FAT3: variants seen among roughly 807,000 people sequenced by gnomAD.
FAT3 encodes the protein FAT atypical cadherin 3, also known as protocadherin Fat 3.
A neutral mutation model predicts 310.2 loss-of-function variants in FAT3; 95 were observed. That is an observed-to-expected ratio of 0.31 (90% CI 0.26 to 0.36). FAT3 has a LOEUF of 0.36. Among genes scored for constraint, FAT3 ranks in the 10% least tolerant of loss-of-function variants. FAT3 has a pLI of 1.00. For synonymous variants in FAT3, 2,314 were observed against 2,192.9 expected (o/e 1.06, Z -1.54); for missense variants, 5,408 against 5,715.6 (o/e 0.95, Z 1.74).
At chr11:92,277,525 A>G (rs1339251897) in intron 1 of FAT3, among the ~76,000 whole-genome samples, 1 of 152,208 alleles carries the variant, frequency 6.6e-6, no homozygotes, top group Non-Finnish European at 1.5e-5. Flanking sequence ...CTACACAGTT[A>G]TAAAAAAGAA....
At chr11:92,372,268 T>TG (rs1949207882) in intron 2 of FAT3, among the ~76,000 whole-genome samples, 1 of 152,012 alleles carries the variant, frequency 6.6e-6, no homozygotes, top group African/African-American at 2.4e-5. Context: ...AGTACTGGAT[T>TG]GGGGGGCTTC....
intron 1 of FAT3, among the ~76,000 whole-genome samples, chr11:92,317,047 A>G (rs1947483816): frequency 6.6e-6 from 1 of 152,182 alleles, no homozygotes. Flanking sequence ...ACTCATTGCA[A>G]TATGGCCAAA....
intron 3 of FAT3, among the ~76,000 whole-genome samples, chr11:92,681,261 A>T (rs967834542): frequency 3.3e-5 from 5 of 152,216 alleles, no homozygotes; most frequent in African/African-American, 1.2e-4. Flanking sequence ...ATAGGGATGG[A>T]TGAAAGTAAC....
At chr11:92,489,700 A>G (rs1330035130) in intron 2 of FAT3, among the ~76,000 whole-genome samples, 1 of 152,096 alleles carries the variant, frequency 6.6e-6, no homozygotes, top group Admixed American at 6.6e-5. Flanking sequence ...ATTGCTCTAT[A>G]TCAAACTATA....
intron 22 of FAT3, 42 bp downstream of exon 22, chr11:92,867,251 G>C (rs2136353712): frequency 2.0e-6 from 3 of 1,495,810 alleles, no homozygotes; most frequent in Non-Finnish European, 2.7e-6. Flanking sequence ...GGGGGTTTGA[G>C]GGGAGAGTGA....
intron 2 of FAT3, among the ~76,000 whole-genome samples, chr11:92,385,858 TA>T (rs889943183): frequency 6.6e-6 from 1 of 151,730 alleles, no homozygotes; most frequent in African/African-American, 2.4e-5. Flanking sequence ...CAAAAGAAAA[TA>T]AAATTGGTCA....
At chr11:92,806,298 C>A in intron 11 of FAT3, 64 bp from the exon 12 acceptor site, 2 of 1,385,324 alleles carry the variant, frequency 1.4e-6, no homozygotes, top group East Asian at 5.0e-5. Context: ...CTATATAATG[C>A]TAAATATGGC....
chr11:92,294,117 G>A (rs182777017), intron 1 of FAT3, among the ~76,000 whole-genome samples: 1 of 152,106 alleles, frequency 6.6e-6, no homozygotes, highest in East Asian at 1.9e-4. Flanking sequence ...GGCCTATTTG[G>A]TTTCTGATGA....
chr11:92,767,863 C>T (rs999571737), intron 6 of FAT3, among the ~76,000 whole-genome samples: 24 of 152,126 alleles, frequency 1.6e-4, no homozygotes, highest in Non-Finnish European at 2.9e-4. Flanking sequence ...GATGGAGATA[C>T]CCCAGGCAGC....
intron 2 of FAT3, among the ~76,000 whole-genome samples, chr11:92,464,085 C>A (rs1444434092): frequency 6.6e-6 from 1 of 152,122 alleles, no homozygotes; most frequent in African/African-American, 2.4e-5. Flanking sequence ...CAATAGACAC[C>A]TTGAGGTTTG....
Position 92,761,845 on chromosome 11 carries a change from C to G in FAT3, c.3670-11C>G, listed in dbSNP as rs201897584. On this transcript the variant is annotated splice_polypyrimidine_tract_variant and intron_variant, in intron 4 of 27. Coordinates refer to ENST00000525166, the MANE Select transcript of FAT3 (RefSeq NM_001367949.2). ...TTCTCCTTTCTGATCACATCATACT[C>G]TCTTTTTCAGGTGACTGTGACAGAT... 1.1e-3 allele frequency: 1,812 copies of G among 1,610,806 alleles called. 1 individual carries two copies. Among genetic ancestry groups the G allele is most frequent in the Non-Finnish European group, 1.5e-3 (1,714 of 1,178,172 alleles).
At chr11:92,637,136 G>T (rs913594749) in intron 3 of FAT3, among the ~76,000 whole-genome samples, 4 of 152,166 alleles carry the variant, frequency 2.6e-5, no homozygotes, top group Non-Finnish European at 4.4e-5. Flanking sequence ...GAAATACAAA[G>T]ATACACAAAA....
chr11:92,453,422 A>G (rs1333081226), intron 2 of FAT3, among the ~76,000 whole-genome samples: 1 of 152,010 alleles, frequency 6.6e-6, no homozygotes, highest in East Asian at 1.9e-4. Context: ...TTTGGCCCCA[A>G]ATAGAAGATT....
In FAT3 at chr11:92,350,647, ATTGT is replaced by A. The variant is rs1432399656; in HGVS notation, c.-17-1445_-17-1442del. Among the ~76,000 whole-genome samples, 5 of 152,138 alleles carry A rather than the reference ATTGT, an allele frequency of 3.3e-5. No individual in the cohort carries two copies. In the South Asian group the frequency reaches 6.2e-4, roughly 19 times the overall value. ...CTTTACTACTTGCCGGCTGGGGAAC[ATTGT>A]TTGGGCAAATGTCTCAACTAAATAG... On this transcript the variant is annotated intron_variant, in intron 1 of 27. Transcript: ENST00000525166.
chr11:92,873,331 A>G (rs1403440911), intron 22 of FAT3, among the ~76,000 whole-genome samples: 5 of 152,164 alleles, frequency 3.3e-5, no homozygotes. Flanking sequence ...AAGTTCTTGG[A>G]GTTTGTAAAT....
rs939753916 is a variant in FAT3, at chr11:92,800,511, A to G, written c.7498A>G (p.Thr2500Ala). Residue 2500 changes from threonine to alanine, a missense_variant, in exon 10 of 28, where the codon ACA (threonine) becomes GCA (alanine). Physicochemically the swap from Thr to Ala is moderately conservative, Grantham distance 58. Around this residue, in one of 5 missense-constraint regions of FAT3, gnomAD observed 4,588 missense variants for 4,809.8 expected, o/e 0.95. Coordinates refer to ENST00000525166, the MANE Select transcript of FAT3 (RefSeq NM_001367949.2). The part of the protein sequence containing the change: ...NLYSPAFSQS[T>A]YVAEVRENVA... ...GTACAGCCCTGCCTTTTCACAAAGC[A>G]CATACGTAGCTGAGGTGAGAGAGAA... 1 of 1,613,872 alleles carries G rather than the reference A, an allele frequency of 6.2e-7. No individual in the cohort carries two copies. Among genetic ancestry groups the G allele is most frequent in the African/African-American group, 1.3e-5 (1 of 74,942 alleles).
intron 3 of FAT3, among the ~76,000 whole-genome samples, chr11:92,621,559 C>T (rs776291975): frequency 2.6e-5 from 4 of 152,188 alleles, no homozygotes; most frequent in Non-Finnish European, 5.9e-5. Flanking sequence ...TGGCTCACTT[C>T]TTCCAATGCC....
At chr11:92,582,613 T>C (rs541089781) in intron 3 of FAT3, among the ~76,000 whole-genome samples, 1 of 152,036 alleles carries the variant, frequency 6.6e-6, no homozygotes, top group Non-Finnish European at 1.5e-5. Context: ...TTTTCCAAAA[T>C]TGGACTTCAG....
chr11:92,390,402 C>G (rs144606989), intron 2 of FAT3, among the ~76,000 whole-genome samples: 232 of 152,250 alleles, frequency 1.5e-3, no homozygotes, highest in African/African-American at 5.1e-3. Context: ...CCATGACCAT[C>G]TCAGGGCACC....
Sources: gnomAD v4.1 joint callset for allele counts (sites outside exome capture counted in the v4.1 genomes callset) on GRCh38, gnomAD v4.1.1 for gene constraint, gnomAD v4.1.1 regional missense constraint, MANE v1.5 for transcripts, NCBI Gene and HGNC (gene_info 2026-07-23, HGNC 2026-07-21) for gene names.